TLR6: variants seen among roughly 807,000 people sequenced by gnomAD.
TLR6 encodes toll-like receptor 6.
In TLR6, 9 loss-of-function variants were observed where a neutral mutation model predicts 16.1. That is an observed-to-expected ratio of 0.56 (90% CI 0.34 to 0.98). The LOEUF (loss-of-function observed/expected upper bound fraction) is 0.98, where lower values mean the gene tolerates loss of function less well. TLR6 is among the 50% of genes least tolerant of loss of function. TLR6 has a pLI of 0.02. For missense variants in TLR6, 786 were observed against 921.0 expected, an observed-to-expected ratio of 0.85 and a Z score of 1.90; for synonymous variants, 340 against 338.6, an observed-to-expected ratio of 1.00 and a Z score of -0.04.
chr4:38,840,484 A>G (rs1712202217), intron 1 of TLR6, among the ~76,000 whole-genome samples: 1 of 151,970 alleles, frequency 6.6e-6, no homozygotes, highest in Non-Finnish European at 1.5e-5. Flanking sequence ...AAATACAAGA[A>G]TTAGCTGGGC....
chr4:38,840,627 C>T (rs57580411), intron 1 of TLR6, among the ~76,000 whole-genome samples: 4,685 of 139,218 alleles, frequency 0.034, 222 homozygotes, highest in African/African-American at 0.11. Flanking sequence ...GGGCAAGACT[C>T]CCTCTCAAAA....
chr4:38,846,397 T>C (rs1712532518), intron 1 of TLR6, among the ~76,000 whole-genome samples: 2 of 152,194 alleles, frequency 1.3e-5, no homozygotes, highest in South Asian at 4.1e-4. Context: ...ATGGAAATTA[T>C]AGACAATTAT....
chr4:38,829,066 C>T, exon 2 of TLR6: 1 of 1,614,116 alleles, frequency 6.2e-7, no homozygotes, highest in Non-Finnish European at 8.5e-7. Context: ...TACAGATGGG[C>T]AGGGCCTTGA....
intron 1 of TLR6, among the ~76,000 whole-genome samples, chr4:38,847,925 G>T (rs1438148310): frequency 1.3e-5 from 2 of 152,218 alleles, no homozygotes; most frequent in African/African-American, 4.8e-5. Flanking sequence ...TGACAGCTTT[G>T]AAGAGAGTAG....
chr4:38,839,825 T>C (rs1712159692), intron 1 of TLR6, among the ~76,000 whole-genome samples: 1 of 152,192 alleles, frequency 6.6e-6, no homozygotes. Context: ...AGCTTCTGAG[T>C]GTGGCCTATT....
exon 2 of TLR6, chr4:38,826,564 TAGC>T (rs576737216): frequency 2.6e-5 from 4 of 153,048 alleles, no homozygotes; most frequent in Non-Finnish European, 5.8e-5. Flanking sequence ...CATATTTGTG[TAGC>T]AGGATAAAAA....
intron 1 of TLR6, among the ~76,000 whole-genome samples, chr4:38,833,666 A>C (rs1711747890): frequency 6.6e-6 from 1 of 152,242 alleles, no homozygotes; most frequent in South Asian, 2.1e-4. Flanking sequence ...GAAGCCTCCA[A>C]AGGAACACAA....
At chr4:38,848,631 T>C (rs1170863965) in intron 1 of TLR6, among the ~76,000 whole-genome samples, 2 of 152,196 alleles carry the variant, frequency 1.3e-5, no homozygotes, top group African/African-American at 4.8e-5. Context: ...ATGTGACGAA[T>C]GCACAAGTTT....
At chr4:38,842,338 T>C (rs1712305162) in intron 1 of TLR6, among the ~76,000 whole-genome samples, 1 of 152,174 alleles carries the variant, frequency 6.6e-6, no homozygotes, top group African/African-American at 2.4e-5. Context: ...CTTCATGAAT[T>C]GGACCTGACC....
chr4:38,850,263 C>T (rs1712711660), intron 1 of TLR6, among the ~76,000 whole-genome samples: 1 of 152,058 alleles, frequency 6.6e-6, no homozygotes, highest in South Asian at 2.1e-4. Flanking sequence ...ACTAAATGCC[C>T]ACAAGAGAAA....
At chr4:38,826,864 T>G in exon 2 of TLR6, 1 of 422,116 alleles carries the variant, frequency 2.4e-6, no homozygotes, top group Non-Finnish European at 4.2e-6. Flanking sequence ...CTGTTTCAAT[T>G]TGAAACATAA....
exon 2 of TLR6, chr4:38,828,409 G>C (rs768301760): frequency 3.7e-6 from 6 of 1,613,616 alleles, no homozygotes; most frequent in Non-Finnish European, 5.1e-6. Context: ...TCAAAAACTT[G>C]AATGTGCTTG....
chr4:38,854,984 T>C (rs894006862), intron 1 of TLR6, among the ~76,000 whole-genome samples: 8 of 151,736 alleles, frequency 5.3e-5, no homozygotes, highest in South Asian at 2.1e-4. Context: ...CCAAGGCGGG[T>C]GGATCACGAG....
At chr4:38,848,541 G>C (rs911254551) in intron 1 of TLR6, among the ~76,000 whole-genome samples, 5 of 152,218 alleles carry the variant, frequency 3.3e-5, no homozygotes, top group Non-Finnish European at 7.3e-5. Flanking sequence ...CAAAAGATTA[G>C]ACGAATGGCT....
intron 1 of TLR6, among the ~76,000 whole-genome samples, chr4:38,838,942 AAGGG>A (rs1560267296): frequency 3.3e-5 from 4 of 121,046 alleles, no homozygotes. Flanking sequence ...GGAAGGAAGG[AAGGG>A]AGGAAGGAAG....
intron 1 of TLR6, among the ~76,000 whole-genome samples, chr4:38,840,669 G>T (rs1712216375): frequency 1.3e-5 from 2 of 151,452 alleles, no homozygotes; most frequent in Non-Finnish European, 2.9e-5. Context: ...CAATGCTGTT[G>T]TTGATTGATC....
upstream of TLR6, among the ~76,000 whole-genome samples, chr4:38,858,746 A>AGG (rs1713090288): frequency 1.0e-5 from 1 of 97,652 alleles, no homozygotes; most frequent in African/African-American, 5.3e-5. Flanking sequence ...AAAGAAAGAG[A>AGG]GAGAGAGAGA....
exon 2 of TLR6, chr4:38,827,171 C>G (rs1727582840): frequency 6.2e-7 from 1 of 1,614,060 alleles, no homozygotes; most frequent in Non-Finnish European, 8.5e-7. Flanking sequence ...CCCACGTTTG[C>G]TTTTCTCCTT....
At chr4:38,853,403 A>G (rs533601034) in intron 1 of TLR6, among the ~76,000 whole-genome samples, 1 of 152,050 alleles carries the variant, frequency 6.6e-6, no homozygotes, top group Admixed American at 6.6e-5. Flanking sequence ...GAATGCACAC[A>G]TTGTTCTTTC....
Sources: allele counts gnomAD v4.1 joint callset (sites outside exome capture counted in the v4.1 genomes callset), GRCh38; gene constraint gnomAD v4.1.1; transcripts MANE v1.5; gene names NCBI Gene and HGNC (gene_info 2026-07-23, HGNC 2026-07-21).